PLEKHA7: variants seen among roughly 807,000 people sequenced by gnomAD.
PLEKHA7 encodes the protein pleckstrin homology domain containing A7, also known as pleckstrin homology domain-containing family A member 7.
PLEKHA7 carries 104 observed loss-of-function variants against 170.0 expected under a neutral mutation model. The observed-to-expected ratio is 0.61, with a 90% CI of 0.52 to 0.72. The LOEUF (loss-of-function observed/expected upper bound fraction) is 0.72. Ranked by LOEUF, PLEKHA7 falls within the 30% of genes least tolerant of loss-of-function variation. The pLI is 0.00. For synonymous variants in PLEKHA7, 648 were observed against 660.8 expected (o/e 0.98, Z 0.30); for missense variants, 1,615 against 1,671.7 (o/e 0.97, Z 0.59).
intron 14 of PLEKHA7, 43 bp downstream of exon 14, chr11:16,803,184 C>A: frequency 6.3e-7 from 1 of 1,593,238 alleles, no homozygotes; most frequent in Middle Eastern, 1.7e-4. Flanking sequence ...GGGTCTGGGT[C>A]AGGAGGCAGC....
intron 3 of PLEKHA7, among the ~76,000 whole-genome samples, chr11:16,918,037 C>T (rs1438929937): frequency 2.0e-5 from 3 of 152,180 alleles, no homozygotes; most frequent in Admixed American, 1.3e-4. Context: ...CCACATCTCA[C>T]CTCCACAGCT....
chr11:16,801,738 A>G lies in PLEKHA7; in HGVS notation c.2237T>C (p.Ile746Thr). Residue 746 changes from isoleucine (I) to threonine (T), a missense_variant, in exon 16 of 27, where the codon ATT (isoleucine) becomes ACT (threonine). Coordinates refer to ENST00000531066, the MANE Select transcript of PLEKHA7 (RefSeq NM_001329630.2). ...CTGCAGCAACTTCTGCTGGTAGGCA[A>G]TCTTCTCCAAGTGCTGGGGCTGGTC... Reference protein sequence around the residue: ...YRDQPQHLEKIAYQQKLLQED... With the variant: ...YRDQPQHLEKTAYQQKLLQED... 3.7e-6 allele frequency: 6 copies of G among 1,614,030 alleles called. No individual in the cohort carries two copies. The highest frequency in any genetic ancestry group is 5.1e-6 in the Non-Finnish European group (6 of 1,179,998).
At chr11:17,002,411 A>C (rs552029337) in intron 3 of PLEKHA7, among the ~76,000 whole-genome samples, 1 of 149,378 alleles carries the variant, frequency 6.7e-6, no homozygotes, top group African/African-American at 2.5e-5. Flanking sequence ...CACTTAAAGA[A>C]AAAAAAAAAA....
At position 17,014,164 on chromosome 11, in the gene PLEKHA7, T is replaced by G. The variant is rs1234444381; in HGVS notation, c.124A>C (p.Thr42Pro). 2 of 1,601,544 alleles carry G rather than the reference T, an allele frequency of 1.2e-6. No homozygotes were observed. Among genetic ancestry groups the G allele is most frequent in the Non-Finnish European group, 1.7e-6 (2 of 1,175,508 alleles). Residue 42 changes from threonine to proline, a missense_variant, in exon 2 of 27, where the codon ACC (threonine) becomes CCC (proline). Thr to Pro is a conservative substitution (Grantham distance 38, BLOSUM62 -1). Coordinates refer to ENST00000531066, the MANE Select transcript of PLEKHA7 (RefSeq NM_001329630.2). ...TGGCCCGAGTTGACGGGCTCCCCGG[T>G]GCGCGGATGCAGCCAGGTCGTGCAG... ...LRCTTWLHPR[T>P]GEPVNSGHMI...
intron 3 of PLEKHA7, among the ~76,000 whole-genome samples, chr11:16,924,084 C>A (rs1368722100): frequency 1.3e-5 from 2 of 151,836 alleles, no homozygotes; most frequent in Non-Finnish European, 2.9e-5. Flanking sequence ...TAAGGCTGGG[C>A]CCTTCCACTC....
At chr11:16,986,692 G>C (rs1054198474) in intron 3 of PLEKHA7, among the ~76,000 whole-genome samples, 3 of 152,182 alleles carry the variant, frequency 2.0e-5, no homozygotes, top group Non-Finnish European at 4.4e-5. Flanking sequence ...CCAACAACCT[G>C]AGTAACCTTG....
In PLEKHA7 at chr11:16,794,400, G is replaced by A. The variant is rs1397468837; in HGVS notation, c.2745+88C>T. On this transcript the variant is annotated intron_variant, in intron 19 of 26. Coordinates refer to ENST00000531066, the MANE Select transcript of PLEKHA7 (RefSeq NM_001329630.2). ...ACGCTGGCTGGGTCCATTTCCCCAA[G>A]TTTTCCCAGGAGTTTCTCTCCCAGG... 1.7e-5 allele frequency: 23 copies of A among 1,365,864 alleles called. No individual in the cohort carries two copies. In the East Asian group the frequency reaches 4.8e-4, roughly 29 times the overall value. The allele number at this position is 1,365,864 out of a possible 1,614,324, so 84.6% of individuals were successfully genotyped here.
At chr11:16,901,193 C>G (rs1205335365) in intron 3 of PLEKHA7, among the ~76,000 whole-genome samples, 1 of 152,052 alleles carries the variant, frequency 6.6e-6, no homozygotes, top group Admixed American at 6.6e-5. Flanking sequence ...TTTTATGAAA[C>G]ATTTTTGGTT....
chr11:16,994,670 C>G (rs181349509), intron 3 of PLEKHA7, among the ~76,000 whole-genome samples: 1 of 152,156 alleles, frequency 6.6e-6, no homozygotes, highest in Non-Finnish European at 1.5e-5. Flanking sequence ...TAGAACACGA[C>G]AGGCTCTCCT....
At position 16,794,525 on chromosome 11, in the gene PLEKHA7, G is replaced by A. The variant is rs541641545; in HGVS notation, c.2708C>T (p.Ser903Phe). ...CGCCTTAGTTGGTGACTGAAGGGGG[G>A]ATGTCACTTTCCTCAGCTGGGGTGG... ...PHPPQLRKVT[S>F]PLQSPTKAKP... The change falls in exon 19 of 27, where the codon TCC becomes TTC. Residue 903 changes from serine (S) to phenylalanine (F), a missense_variant. Coordinates refer to ENST00000531066, the MANE Select transcript of PLEKHA7 (RefSeq NM_001329630.2). The A allele has an allele frequency of 9.9e-6, 16 of 1,613,896 alleles. No individual in the cohort carries two copies. The highest frequency in any genetic ancestry group is 1.4e-5 in the Non-Finnish European group (16 of 1,180,012).
At chr11:16,782,720 G>T in intron 26 of PLEKHA7, 34 bp downstream of exon 26, 1 of 1,534,116 alleles carries the variant, frequency 6.5e-7, no homozygotes, top group Non-Finnish European at 8.7e-7. Context: ...AGTGGGGCAG[G>T]ATCCAGGCCT....
intron 3 of PLEKHA7, among the ~76,000 whole-genome samples, chr11:17,001,680 AAG>A (rs1443033726): frequency 6.6e-6 from 1 of 151,896 alleles, no homozygotes; most frequent in Non-Finnish European, 1.5e-5. Flanking sequence ...CAGCCCCAGG[AAG>A]AGACTGCACA....
intron 3 of PLEKHA7, among the ~76,000 whole-genome samples, chr11:16,931,137 A>C (rs1859892348): frequency 6.6e-6 from 1 of 152,198 alleles, no homozygotes. Context: ...CAAATCACAA[A>C]ACACCTAATA....
chr11:16,945,744 G>T (rs906861892), intron 3 of PLEKHA7, among the ~76,000 whole-genome samples: 33 of 152,346 alleles, frequency 2.2e-4, no homozygotes, highest in African/African-American at 7.5e-4. Context: ...GTCCTTAGCA[G>T]ATCTGAAGGG....
At chr11:16,888,401 C>CG (rs1236892196) in intron 3 of PLEKHA7, among the ~76,000 whole-genome samples, 77 of 149,180 alleles carry the variant, frequency 5.2e-4, no homozygotes, top group African/African-American at 1.2e-3. Flanking sequence ...GTTGAGTAGA[C>CG]GGGGGGGAAA....
intron 13 of PLEKHA7, among the ~76,000 whole-genome samples, chr11:16,810,847 C>A (rs1242696613): frequency 6.6e-6 from 1 of 152,180 alleles, no homozygotes; most frequent in African/African-American, 2.4e-5. Flanking sequence ...AGGGTGAGAG[C>A]CGCACCCAAA....
chr11:16,831,024 T>C (rs1042542919), intron 9 of PLEKHA7, among the ~76,000 whole-genome samples: 3 of 152,216 alleles, frequency 2.0e-5, no homozygotes, highest in African/African-American at 7.2e-5. Flanking sequence ...AATACCAGCA[T>C]TTATTGCAAA....
chr11:16,816,569 G>A (rs1849770929), intron 11 of PLEKHA7, among the ~76,000 whole-genome samples: 1 of 152,176 alleles, frequency 6.6e-6, no homozygotes, highest in Non-Finnish European at 1.5e-5. Context: ...CAGCGCCTCA[G>A]AGTTCTCATC....
At chr11:16,823,565 A>C (rs1395963850) in intron 10 of PLEKHA7, among the ~76,000 whole-genome samples, 2 of 152,162 alleles carry the variant, frequency 1.3e-5, no homozygotes, top group Non-Finnish European at 2.9e-5. Flanking sequence ...GGATATTCCC[A>C]AAGTACCACT....
Sources: allele counts gnomAD v4.1 joint callset (sites outside exome capture counted in the v4.1 genomes callset), GRCh38; gene constraint gnomAD v4.1.1; transcripts MANE v1.5; gene names NCBI Gene and HGNC (gene_info 2026-07-23, HGNC 2026-07-21).